Variants in MTF2 observed in about 807,000 individuals in gnomAD.
MTF2 encodes metal response element binding transcription factor 2.
A neutral mutation model predicts 79.5 loss-of-function variants in MTF2; 11 were observed. The ratio of observed to expected loss-of-function variants is 0.14; its 90% CI spans 0.09 to 0.23. MTF2 has a LOEUF of 0.23. Among genes scored for constraint, MTF2 ranks in the 10% least tolerant of loss-of-function variants. MTF2 has a pLI of 1.00. For missense variants in MTF2, 486 were observed against 711.2 expected (o/e 0.68, Z 3.60); for synonymous variants, 208 against 232.8 (o/e 0.89, Z 0.97).
chr1:93,083,909 A>G (rs1654720331), intron 1 of MTF2, among the ~76,000 whole-genome samples: 1 of 152,166 alleles, frequency 6.6e-6, no homozygotes, highest in African/African-American at 2.4e-5. Flanking sequence ...TTGCTCATTT[A>G]AAAAATGGGA....
Position 93,089,008 on chromosome 1 carries a change from G to A in MTF2, c.5+9477G>A, listed in dbSNP as rs114693156. Among the ~76,000 whole-genome samples, 1,212 of 152,078 alleles carry A rather than the reference G, an allele frequency of 8.0e-3. 21 individuals are homozygous for A. The highest frequency in any genetic ancestry group is 0.027 in the African/African-American group (1,133 of 41,468). On this transcript the variant is annotated intron_variant, in intron 1 of 14. Coordinates refer to ENST00000370298, the MANE Select transcript of MTF2 (RefSeq NM_007358.4). ...TGTTCTATAAAACTGACTTTTTATC[G>A]TACATTTTAAGATATTTAAAAATAT...
At chr1:93,129,518 C>A in intron 11 of MTF2, 70 bp downstream of exon 11, 5 of 1,179,934 alleles carry the variant, frequency 4.2e-6, no homozygotes, top group Non-Finnish European at 5.7e-6. Context: ...GTTATTTAGT[C>A]TCCTTAGTAT....
rs764950253 is a variant in MTF2 at position 93,133,986 on chromosome 1, TAGAA to T, written c.1319+9_1319+12del. 130 of 1,572,490 alleles carry T rather than the reference TAGAA, an allele frequency of 8.3e-5. No individual in the cohort carries two copies. Among genetic ancestry groups the T allele is most frequent in the Non-Finnish European group, 9.9e-5 (114 of 1,149,590 alleles). ...GATTTACCTTGTTCTATAGGGTAAATAGAAAGTTATTTTCTCCCTTTCTAGGTTT... is the reference window on the plus strand; with the variant it reads ...GATTTACCTTGTTCTATAGGGTAAATAGTTATTTTCTCCCTTTCTAGGTTT... On this transcript the variant is annotated splice_region_variant and intron_variant, in intron 13 of 14. Coordinates refer to ENST00000370298, the MANE Select transcript of MTF2 (RefSeq NM_007358.4).
rs780807117 is a variant in MTF2, at chr1:93,110,535, T to C, written c.205-10T>C. ...AAGAGATCACCGTTAAGTATTTCTC[T>C]GTATTGCAGATAAACATATTGAAAC... On this transcript the variant is annotated splice_polypyrimidine_tract_variant and intron_variant, in intron 2 of 14. Transcript: ENST00000370298. The C allele has an allele frequency of 6.2e-7, 1 of 1,609,300 alleles. No individual in the cohort carries two copies.
At chr1:93,111,266 A>G (rs1357125170) in intron 3 of MTF2, among the ~76,000 whole-genome samples, 1 of 152,182 alleles carries the variant, frequency 6.6e-6, no homozygotes, top group East Asian at 1.9e-4. Flanking sequence ...AAGTACTTTT[A>G]AAAATTACAA....
chr1:93,119,370 C>T lies in MTF2; in HGVS notation c.766C>T (p.Pro256Ser), dbSNP rs1257528925. The change falls in exon 8 of 15, where the codon CCA (proline) becomes TCA (serine). Residue 256 changes from proline to serine, a missense_variant. Physicochemically the swap from Pro to Ser is moderately conservative, Grantham distance 74. Coordinates refer to ENST00000370298, the MANE Select transcript of MTF2 (RefSeq NM_007358.4). ...TATATGCTCTGTCTGCAGTTCTGGA[C>T]CAGAATACCTCAAACGTCTACCATT... ...TFICSVCSSG[P>S]EYLKRLPLQW... The T allele has an allele frequency of 6.2e-7, 1 of 1,602,604 alleles. No homozygotes were observed. The highest frequency in any genetic ancestry group is 1.4e-5 in the African/African-American group (1 of 73,510).
rs77900924 is a variant in MTF2 at position 93,136,882 on chromosome 1, A to G, written c.1637A>G (p.Asn546Ser). 1,108 of 1,614,224 alleles carry G rather than the reference A, an allele frequency of 6.9e-4. 10 individuals are homozygous for G. The East Asian group carries it at 0.011, about 17-fold the overall frequency. Residue 546 changes from asparagine (N) to serine (S), a missense_variant, in exon 15 of 15, where the codon AAT becomes AGT. This residue lies in a region of MTF2 where 209 missense variants were observed against 206.5 expected (regional missense o/e 1.01). Transcript: ENST00000370298. ...NNLADQELQL[N>S]HLKNSITSYF... ...TTAGCAGATCAGGAGTTACAACTCA[A>G]TCATCTAAAGAACTCCATTACCAGT...
intron 1 of MTF2, among the ~76,000 whole-genome samples, chr1:93,089,800 C>T (rs1429080759): frequency 6.6e-6 from 1 of 151,288 alleles, no homozygotes; most frequent in Non-Finnish European, 1.5e-5. Flanking sequence ...CTCCCAGCCT[C>T]AAGGGATGTT....
At chr1:93,093,555 C>T (rs370242751) in intron 1 of MTF2, among the ~76,000 whole-genome samples, 1 of 152,182 alleles carries the variant, frequency 6.6e-6, no homozygotes, top group African/African-American at 2.4e-5. Context: ...GTGTGACATA[C>T]CTTGCATTCC....
chr1:93,099,014 T>TG (rs1343243829), intron 1 of MTF2, among the ~76,000 whole-genome samples: 1 of 152,168 alleles, frequency 6.6e-6, no homozygotes, highest in Non-Finnish European at 1.5e-5. Context: ...TGTAAACAGA[T>TG]GGACACTACC....
At position 93,114,671 on chromosome 1, in the gene MTF2, T is replaced by A; in HGVS notation, c.287-17T>A. 6.4e-7 allele frequency: 1 copy of A among 1,562,786 alleles called. No individual in the cohort carries two copies. The highest frequency in any genetic ancestry group is 8.7e-7 in the Non-Finnish European group (1 of 1,154,494). On this transcript the variant is annotated splice_polypyrimidine_tract_variant and intron_variant, in intron 3 of 14. Transcript: ENST00000370298. Reference sequence around the variant, plus strand: ...TTTTTTATGACTCTCTTTTTTAATGTGTTTTAAATATTTTAGGAGCCACTG... The same window carrying A: ...TTTTTTATGACTCTCTTTTTTAATGAGTTTTAAATATTTTAGGAGCCACTG...
At chr1:93,082,338 T>C (rs1446974324) in intron 1 of MTF2, among the ~76,000 whole-genome samples, 1 of 151,246 alleles carries the variant, frequency 6.6e-6, no homozygotes, top group African/African-American at 2.4e-5. Context: ...TGGAGTGAAG[T>C]GGTGCTATCA....
At position 93,131,280 on chromosome 1, in the gene MTF2, T is replaced by G. The variant is rs527325143; in HGVS notation, c.1160+1832T>G. Among the ~76,000 whole-genome samples, 4 of 152,232 alleles carry G rather than the reference T, an allele frequency of 2.6e-5. No homozygotes were observed. The South Asian group carries it at 6.2e-4, about 24-fold the overall frequency. ...AAGAAAGGTAGTGTTTCAAGAGAGA[T>G]AGGTATATTAAAGTGTATTGAATGC... On this transcript the variant is annotated intron_variant, in intron 11 of 14. Coordinates refer to ENST00000370298, the MANE Select transcript of MTF2 (RefSeq NM_007358.4).
chr1:93,084,107 C>T (rs1654734973), intron 1 of MTF2, among the ~76,000 whole-genome samples: 1 of 151,348 alleles, frequency 6.6e-6, no homozygotes, highest in South Asian at 2.1e-4. Context: ...ATCTAAAGAG[C>T]TTTATAGTTT....
At position 93,079,426 on chromosome 1, in the gene MTF2, CGGGTG is replaced by C; in HGVS notation, c.-100_-96del. 6.8e-7 allele frequency: 1 copy of C among 1,466,632 alleles called. No individual in the cohort carries two copies. Among genetic ancestry groups the C allele is most frequent in the African/African-American group, 1.4e-5 (1 of 72,130 alleles). 90.9% of individuals were successfully genotyped at this position (1,466,632 alleles called of 1,614,324 possible). A position where few individuals can be genotyped will look rare whatever the true frequency, so the allele number is the denominator to read the frequency against. ...CATATGTGCCGGGTACCCGGTGGGG[CGGGTG>C]CCCAGTAAGTGCTCGGACTCGCAGG... On this transcript the variant is annotated 5_prime_UTR_variant, in exon 1 of 15. It removes the in-frame stop codon of an upstream open reading frame in the 5' UTR. Coordinates refer to ENST00000370298, the MANE Select transcript of MTF2 (RefSeq NM_007358.4).
At chr1:93,097,265 A>G (rs1030098006) in intron 1 of MTF2, among the ~76,000 whole-genome samples, 1 of 152,170 alleles carries the variant, frequency 6.6e-6, no homozygotes, top group African/African-American at 2.4e-5. Context: ...CAGTTTTTGT[A>G]AATATTTTGC....
intron 1 of MTF2, among the ~76,000 whole-genome samples, chr1:93,085,564 G>A (rs894250600): frequency 6.9e-6 from 1 of 145,346 alleles, no homozygotes; most frequent in African/African-American, 2.5e-5. Context: ...ATAGCTCACT[G>A]TACCCTCAAA....
chr1:93,079,474 C>T lies in MTF2; in HGVS notation c.-53C>T. 1 of 1,613,106 alleles carries T rather than the reference C, an allele frequency of 6.2e-7. No individual in the cohort carries two copies. The highest frequency in any genetic ancestry group is 8.5e-7 in the Non-Finnish European group (1 of 1,179,526). On this transcript the variant is annotated 5_prime_UTR_variant, in exon 1 of 15. The change creates a new upstream start codon in the 5' untranslated region. Coordinates refer to ENST00000370298, the MANE Select transcript of MTF2 (RefSeq NM_007358.4). ...CTCGCAGGGGAAGCGCCCACGGGGA[C>T]GGATTGGTTGTTTTTTCCTGTATGA...
At chr1:93,101,192 C>G (rs948712290) in intron 1 of MTF2, among the ~76,000 whole-genome samples, 1 of 151,956 alleles carries the variant, frequency 6.6e-6, no homozygotes, top group Non-Finnish European at 1.5e-5. Context: ...GGTAGTAAAC[C>G]AAGAAAGAGT....
Sources: allele counts gnomAD v4.1 joint callset (sites outside exome capture counted in the v4.1 genomes callset), GRCh38; gene constraint gnomAD v4.1.1; regional missense constraint gnomAD v4.1.1; transcripts MANE v1.5; gene names NCBI Gene and HGNC (gene_info 2026-07-23, HGNC 2026-07-21).